The following TFPI variants were observed in gnomAD, a reference collection of about 807,000 sequenced individuals.
The protein encoded by TFPI is tissue factor pathway inhibitor.
Under a neutral mutation model 34.6 loss-of-function variants are expected in TFPI, and 15 were observed. The ratio of observed to expected loss-of-function variants is 0.43; its 90% confidence interval spans 0.29 to 0.67. The LOEUF (loss-of-function observed/expected upper bound fraction) is 0.67, where lower values mean the gene tolerates loss of function less well. Among genes scored for constraint, TFPI ranks in the 30% least tolerant of loss-of-function variants. The probability of loss-of-function intolerance (pLI) is 0.15; values close to 1 mark genes in which losing one functional copy is unlikely to be tolerated. For missense variants in TFPI, 301 were observed against 364.0 expected, an observed-to-expected ratio of 0.83 and a Z score of 1.41; for synonymous variants, 105 against 120.1, an observed-to-expected ratio of 0.87 and a Z score of 0.82.
intron 1 of TFPI, among the ~76,000 whole-genome samples, chr2:187,545,043 G>A (rs1261691766): frequency 3.3e-5 from 5 of 152,034 alleles, no homozygotes; most frequent in African/African-American, 7.2e-5. Context: ...CCCGGGAGGC[G>A]GAGGTTGCAG....
At chr2:187,480,442 A>G (rs541527218) in intron 6 of TFPI, among the ~76,000 whole-genome samples, 1 of 152,238 alleles carries the variant, frequency 6.6e-6, no homozygotes, top group African/African-American at 2.4e-5. Flanking sequence ...TACCATCCTC[A>G]TTTTACATTG....
At chr2:187,467,661 A>G in intron 7 of TFPI, 92 bp downstream of exon 7, 1 of 1,160,514 alleles carries the variant, frequency 8.6e-7, no homozygotes, top group Non-Finnish European at 1.1e-6. Context: ...CTTATAATAA[A>G]GATAATTAAT....
intron 1 of TFPI, among the ~76,000 whole-genome samples, chr2:187,543,439 G>A (rs1409921513): frequency 6.6e-6 from 1 of 152,168 alleles, no homozygotes; most frequent in Non-Finnish European, 1.5e-5. Context: ...GATCAACCAA[G>A]TAAAAAACTG....
At chr2:187,496,781 A>G (rs1317610760) in intron 3 of TFPI, 100 bp downstream of exon 3, 1 of 1,084,710 alleles carries the variant, frequency 9.2e-7, no homozygotes, top group African/African-American at 1.6e-5. Flanking sequence ...TGGAAATATT[A>G]AAACAGCATG....
chr2:187,479,868 A>G (rs1003724004), intron 6 of TFPI, among the ~76,000 whole-genome samples: 3 of 151,880 alleles, frequency 2.0e-5, no homozygotes, highest in African/African-American at 7.2e-5. Context: ...AAATTTAATG[A>G]ATGACTGGAA....
At chr2:187,532,464 G>A (rs1353083390) in intron 1 of TFPI, among the ~76,000 whole-genome samples, 2 of 152,202 alleles carry the variant, frequency 1.3e-5, no homozygotes, top group Non-Finnish European at 2.9e-5. Context: ...GCCTCACCTG[G>A]GAAGCACAAG....
Position 187,484,940 on chromosome 2 carries a change from C to T in TFPI, c.406G>A (p.Gly136Ser). 6.4e-7 allele frequency: 1 copy of T among 1,562,160 alleles called. No homozygotes were observed. Among genetic ancestry groups the T allele is most frequent in the Non-Finnish European group, 8.6e-7 (1 of 1,158,536 alleles). Residue 136 changes from glycine (G) to serine (S), a missense_variant, in exon 5 of 8, where the codon GGT (glycine) becomes AGT (serine). Transcript: ENST00000233156. Reference protein sequence around the residue: ...FLEEDPGICRGYITRYFYNNQ... With the variant: ...FLEEDPGICRSYITRYFYNNQ... ...TTATAAAAATACCTGGTAATATAAC[C>T]TCGACATATTCCAGGATCTTCTTCC... is the stretch of plus-strand genomic sequence containing the variant.
At chr2:187,541,608 T>C (rs1270247582) in intron 1 of TFPI, among the ~76,000 whole-genome samples, 2 of 152,188 alleles carry the variant, frequency 1.3e-5, no homozygotes, top group Non-Finnish European at 2.9e-5. Flanking sequence ...CAAACGATCA[T>C]TGTTTCGTGG....
intron 1 of TFPI, among the ~76,000 whole-genome samples, chr2:187,509,902 C>T (rs1282246183): frequency 1.3e-5 from 2 of 152,174 alleles, no homozygotes; most frequent in African/African-American, 2.4e-5. Flanking sequence ...AGCCAAACTA[C>T]ATTCCTTATC....
chr2:187,533,715 G>A (rs1310570147), intron 1 of TFPI, among the ~76,000 whole-genome samples: 1 of 152,196 alleles, frequency 6.6e-6, no homozygotes, highest in Non-Finnish European at 1.5e-5. Context: ...TGAAGAATGA[G>A]TTTGATGAAT....
At chr2:187,495,244 A>G (rs1685396242) in intron 3 of TFPI, among the ~76,000 whole-genome samples, 1 of 152,240 alleles carries the variant, frequency 6.6e-6, no homozygotes, top group Admixed American at 6.5e-5. Context: ...ATATTTCAGG[A>G]AAGAGGCCAG....
In TFPI at chr2:187,554,247, A is replaced by G. The variant is rs1256018577; in HGVS notation, c.-50T>C. The G allele has an allele frequency of 6.6e-6, 1 of 152,108 alleles. No individual in the cohort carries two copies. Among genetic ancestry groups the G allele is most frequent in the Non-Finnish European group, 1.5e-5 (1 of 68,018 alleles). 9.4% of individuals were successfully genotyped at this position (152,108 alleles called of 1,614,324 possible). A position where few individuals can be genotyped will look rare whatever the true frequency, so the allele number is the denominator to read the frequency against. On this transcript the variant is annotated 5_prime_UTR_variant, in exon 1 of 8. Transcript: ENST00000233156. The stretch of plus-strand genomic sequence containing the variant: ...TCTTGGAATGTTTTTTTCAAAACGG[A>G]GTTGAGGTTATTTTGTTTTTCCTTC...
chr2:187,529,472 T>C (rs1022468872), intron 1 of TFPI: 2 of 152,288 alleles, frequency 1.3e-5, no homozygotes, highest in African/African-American at 4.8e-5. Flanking sequence ...TGTCCTCACA[T>C]GGCCTTTCCT....
intron 6 of TFPI, chr2:187,483,891 T>C (rs187360051): frequency 5.2e-5 from 25 of 482,744 alleles, no homozygotes; most frequent in Middle Eastern, 5.5e-4. Context: ...TTTCATGTGA[T>C]ACATAATCAA....
chr2:187,472,605 T>C (rs1049497018), intron 6 of TFPI, among the ~76,000 whole-genome samples: 1 of 152,226 alleles, frequency 6.6e-6, no homozygotes, highest in Non-Finnish European at 1.5e-5. Flanking sequence ...GAGTACTATG[T>C]GGGACAAGAA....
intron 6 of TFPI, among the ~76,000 whole-genome samples, chr2:187,479,114 T>A (rs1298103901): frequency 1.3e-4 from 20 of 152,026 alleles, no homozygotes; most frequent in Non-Finnish European, 2.9e-5. Context: ...ACATAAAACA[T>A]CCTTTAGAAT....
intron 6 of TFPI, among the ~76,000 whole-genome samples, chr2:187,471,522 A>G (rs1692033733): frequency 6.6e-6 from 1 of 152,142 alleles, no homozygotes; most frequent in South Asian, 2.1e-4. Flanking sequence ...GAATAAAAAG[A>G]CACTAACCTG....
intron 6 of TFPI, among the ~76,000 whole-genome samples, chr2:187,479,184 A>G (rs1181328903): frequency 6.6e-6 from 1 of 152,052 alleles, no homozygotes; most frequent in Admixed American, 6.6e-5. Context: ...GACGGAAAAA[A>G]GTTATATTTA....
chr2:187,471,998 AAG>A (rs1190259344), intron 6 of TFPI, among the ~76,000 whole-genome samples: 1 of 152,054 alleles, frequency 6.6e-6, no homozygotes, highest in African/African-American at 2.4e-5. Context: ...TTTTGTAGTA[AAG>A]AGAAATATAA....
Sources: allele counts gnomAD v4.1 joint callset (sites outside exome capture counted in the v4.1 genomes callset), GRCh38; gene constraint gnomAD v4.1.1; transcripts MANE v1.5; gene names NCBI Gene and HGNC (gene_info 2026-07-23, HGNC 2026-07-21).